The following NTRK2 variants were observed in gnomAD, a reference collection of about 807,000 sequenced individuals.
NTRK2 encodes the protein BDNF/NT-3 growth factors receptor.
A neutral mutation model predicts 94.5 loss-of-function variants in NTRK2; 13 were observed. The ratio of observed to expected loss-of-function variants is 0.14; its 90% confidence interval spans 0.09 to 0.22. The LOEUF (loss-of-function observed/expected upper bound fraction) is 0.22, where lower values mean the gene tolerates loss of function less well. NTRK2 is among the 10% of genes least tolerant of loss of function. The pLI is 1.00. For synonymous variants in NTRK2, 372 were observed against 407.4 expected (o/e 0.91, Z 1.05); for missense variants, 639 against 1,071.2 (o/e 0.60, Z 5.63).
chr9:84,818,347 G>T (rs2072558071), intron 12 of NTRK2, among the ~76,000 whole-genome samples: 1 of 152,156 alleles, frequency 6.6e-6, no homozygotes, highest in Admixed American at 6.5e-5. Context: ...TAACTCTTAG[G>T]TTCATGCAAG....
At chr9:84,748,569 C>T (rs958989507) in intron 11 of NTRK2, among the ~76,000 whole-genome samples, 1 of 152,182 alleles carries the variant, frequency 6.6e-6, no homozygotes, top group Non-Finnish European at 1.5e-5. Flanking sequence ...TCTAGGACTC[C>T]TAAATCCCAG....
intron 14 of NTRK2, chr9:84,874,265 A>G (rs935528082): frequency 5.6e-6 from 6 of 1,065,410 alleles, no homozygotes; most frequent in Non-Finnish European, 5.7e-6. Context: ...GGTGCTTTGA[A>G]CAATTGAGTG....
chr9:85,025,699 T>C lies in NTRK2; in HGVS notation c.*4262T>C, dbSNP rs954274819. 1 of 233,082 alleles carries C rather than the reference T, an allele frequency of 4.3e-6. No homozygotes were observed. Among genetic ancestry groups the C allele is most frequent in the Non-Finnish European group, 8.5e-6 (1 of 117,992 alleles). The allele number at this position is 233,082 out of a possible 1,614,324, so 14.4% of individuals were successfully genotyped here. On this transcript the variant is annotated 3_prime_UTR_variant, in exon 19 of 19. Coordinates refer to ENST00000277120, the MANE Select transcript of NTRK2 (RefSeq NM_006180.6). ...CTTCCCCATTTTCTTTTTCATCCCC[T>C]GTCTCAGGACTTTTATTTTCAATGT... is the stretch of plus-strand genomic sequence containing the variant.
intron 14 of NTRK2, chr9:84,876,391 A>C: frequency 9.5e-7 from 1 of 1,053,860 alleles, no homozygotes; most frequent in African/African-American, 1.6e-5. Flanking sequence ...TACTTTTCAG[A>C]TCCATTTATG....
Position 85,020,254 on chromosome 9 carries a change from A to G in NTRK2, c.2221A>G (p.Ile741Val), listed in dbSNP as rs753056075. 3.1e-6 allele frequency: 5 copies of G among 1,614,128 alleles called. No individual in the cohort carries two copies. Among genetic ancestry groups the G allele is most frequent in the Non-Finnish European group, 4.2e-6 (5 of 1,180,010 alleles). The stretch of plus-strand genomic sequence containing the variant: ...CATTCGCTGGATGCCTCCAGAGAGC[A>G]TCATGTACAGGAAATTCACGACGGA... ...LPIRWMPPES[I>V]MYRKFTTESD... The change falls in exon 18 of 19, where the codon ATC (isoleucine) becomes GTC (valine). Residue 741 changes from isoleucine (I) to valine (V), a missense_variant. This residue lies in a region of NTRK2 where 77 missense variants were observed against 203.6 expected (regional missense o/e 0.38). Transcript: ENST00000277120.
chr9:84,710,579 C>T (rs1014672691), intron 5 of NTRK2, 58 bp from the exon 6 acceptor site: 3 of 1,569,118 alleles, frequency 1.9e-6, no homozygotes, highest in East Asian at 4.5e-5. Context: ...TTTACAAGCA[C>T]TAATGTAGCT....
chr9:84,846,278 G>C (rs575278494), intron 12 of NTRK2, among the ~76,000 whole-genome samples: 44 of 152,276 alleles, frequency 2.9e-4, no homozygotes, highest in Middle Eastern at 6.8e-3. Context: ...GTTTCCAAAG[G>C]GATCTGAGAA....
At chr9:84,876,772 T>G (rs984520175) in intron 14 of NTRK2, 1 of 1,061,116 alleles carries the variant, frequency 9.4e-7, no homozygotes, top group African/African-American at 1.6e-5. Flanking sequence ...TATCAATACA[T>G]GTAGCTGCTT....
intron 14 of NTRK2, among the ~76,000 whole-genome samples, chr9:84,916,808 T>C (rs1423184186): frequency 6.6e-6 from 1 of 152,228 alleles, no homozygotes; most frequent in Non-Finnish European, 1.5e-5. Context: ...ATATTGTTAA[T>C]TCCTGAAGAT....
intron 14 of NTRK2, among the ~76,000 whole-genome samples, chr9:84,891,638 C>A (rs564659535): frequency 3.3e-5 from 5 of 152,124 alleles, no homozygotes; most frequent in Non-Finnish European, 5.9e-5. Context: ...CCCAGTAGGG[C>A]GGATCTGGGA....
At chr9:84,904,711 AC>A (rs1470157859) in intron 14 of NTRK2, among the ~76,000 whole-genome samples, 1 of 152,210 alleles carries the variant, frequency 6.6e-6, no homozygotes, top group Non-Finnish European at 1.5e-5. Context: ...AACTCACATT[AC>A]CCCTATAGTA....
At chr9:84,815,188 T>A (rs2072259342) in intron 12 of NTRK2, 1 of 1,057,014 alleles carries the variant, frequency 9.5e-7, no homozygotes, top group Non-Finnish European at 1.1e-6. Context: ...GATGGTGAGG[T>A]AACTCTAAGT....
At chr9:84,764,942 T>C (rs917114481) in intron 12 of NTRK2, among the ~76,000 whole-genome samples, 2 of 152,174 alleles carry the variant, frequency 1.3e-5, no homozygotes, top group African/African-American at 4.8e-5. Context: ...TATGTTAAGT[T>C]AAATAAGCCA....
intron 12 of NTRK2, among the ~76,000 whole-genome samples, chr9:84,781,485 T>C (rs1298183975): frequency 6.6e-6 from 1 of 152,238 alleles, no homozygotes; most frequent in East Asian, 1.9e-4. Flanking sequence ...AATTACCCAT[T>C]AAAGACCTAG....
At chr9:84,873,130 C>G in intron 14 of NTRK2, 1 of 1,064,250 alleles carries the variant, frequency 9.4e-7, no homozygotes, top group South Asian at 4.6e-5. Flanking sequence ...TGACCATGGT[C>G]CATTTTGATG....
intron 12 of NTRK2, among the ~76,000 whole-genome samples, chr9:84,770,690 G>A (rs2066463068): frequency 6.6e-6 from 1 of 152,220 alleles, no homozygotes; most frequent in Non-Finnish European, 1.5e-5. Flanking sequence ...GAATTGAGGT[G>A]TAGATTATAG....
intron 14 of NTRK2, among the ~76,000 whole-genome samples, chr9:84,931,123 T>G (rs1487770511): frequency 1.3e-5 from 2 of 152,044 alleles, no homozygotes; most frequent in African/African-American, 4.8e-5. Context: ...AAAGAGAAAT[T>G]TGGCCAGGCA....
intron 12 of NTRK2, among the ~76,000 whole-genome samples, chr9:84,840,776 C>T (rs1034558503): frequency 2.0e-5 from 3 of 152,122 alleles, no homozygotes; most frequent in African/African-American, 7.2e-5. Context: ...TCTCTTTCTC[C>T]TTTCTCTTTA....
At chr9:84,891,163 T>C (rs993375547) in intron 14 of NTRK2, among the ~76,000 whole-genome samples, 1 of 152,058 alleles carries the variant, frequency 6.6e-6, no homozygotes, top group African/African-American at 2.4e-5. Context: ...GCTGGAATTG[T>C]CAGCCAAGGG....
Sources: gnomAD v4.1 joint callset for allele counts (sites outside exome capture counted in the v4.1 genomes callset) on GRCh38, gnomAD v4.1.1 for gene constraint, gnomAD v4.1.1 regional missense constraint, MANE v1.5 for transcripts, NCBI Gene and HGNC (gene_info 2026-07-23, HGNC 2026-07-21) for gene names.